Variants in LRRTM4 observed in about 807,000 individuals in gnomAD.
The protein encoded by LRRTM4 is leucine-rich repeat transmembrane neuronal protein 4.
LRRTM4 carries 25 observed loss-of-function variants against 47.6 expected under a neutral mutation model. That is an observed-to-expected ratio of 0.53 (90% CI 0.38 to 0.73). The LOEUF (loss-of-function observed/expected upper bound fraction) is 0.73, where lower values mean the gene tolerates loss of function less well. Among genes scored for constraint, LRRTM4 ranks in the 30% least tolerant of loss-of-function variants. The pLI is 0.00. For synonymous variants in LRRTM4, 311 were observed against 269.5 expected (o/e 1.15, Z -1.51); for missense variants, 638 against 713.4 (o/e 0.89, Z 1.20).
At chr2:77,386,808 G>A (rs1673296968) in intron 3 of LRRTM4, among the ~76,000 whole-genome samples, 1 of 152,008 alleles carries the variant, frequency 6.6e-6, no homozygotes, top group East Asian at 1.9e-4. Context: ...GCAAGGGGAG[G>A]GAGAGCATTA....
chr2:77,355,350 C>T (rs1306375571), intron 3 of LRRTM4, among the ~76,000 whole-genome samples: 1 of 152,100 alleles, frequency 6.6e-6, no homozygotes, highest in Non-Finnish European at 1.5e-5. Context: ...GAGTAAATTT[C>T]CAGTAGTTTG....
intron 3 of LRRTM4, among the ~76,000 whole-genome samples, chr2:76,961,059 T>C (rs1289114235): frequency 6.6e-6 from 1 of 151,576 alleles, no homozygotes; most frequent in Non-Finnish European, 1.5e-5. Flanking sequence ...TCAGCACTTA[T>C]AATGTAAATA....
intron 3 of LRRTM4, among the ~76,000 whole-genome samples, chr2:76,774,022 A>G (rs1673838887): frequency 6.6e-6 from 1 of 152,180 alleles, no homozygotes; most frequent in African/African-American, 2.4e-5. Flanking sequence ...CACCACAGTC[A>G]AAATCCATAT....
At chr2:77,312,349 C>G (rs1677480760) in intron 3 of LRRTM4, among the ~76,000 whole-genome samples, 1 of 152,006 alleles carries the variant, frequency 6.6e-6, no homozygotes. Context: ...GCTATTGAAT[C>G]CTATTTAGTT....
At chr2:77,069,818 A>G (rs1394218482) in intron 3 of LRRTM4, among the ~76,000 whole-genome samples, 2 of 152,178 alleles carry the variant, frequency 1.3e-5, no homozygotes, top group Admixed American at 6.5e-5. Flanking sequence ...TATGGACATC[A>G]CATTCTTTAG....
chr2:76,804,734 G>T (rs1473278739), intron 3 of LRRTM4, among the ~76,000 whole-genome samples: 1 of 143,624 alleles, frequency 7.0e-6, no homozygotes, highest in African/African-American at 2.5e-5. Context: ...GATATATCAT[G>T]TTTTATATAT....
intron 3 of LRRTM4, among the ~76,000 whole-genome samples, chr2:77,111,854 G>T (rs180792723): frequency 6.6e-6 from 1 of 152,122 alleles, no homozygotes; most frequent in South Asian, 2.1e-4. Context: ...GTATGCTAAA[G>T]TTGCTAAAAT....
intron 3 of LRRTM4, among the ~76,000 whole-genome samples, chr2:76,768,239 A>C (rs1397701769): frequency 2.6e-5 from 4 of 152,190 alleles, no homozygotes; most frequent in Non-Finnish European, 5.9e-5. Context: ...ATAGAGGAAA[A>C]GTATATTGGT....
At chr2:77,220,494 G>T (rs572342678) in intron 3 of LRRTM4, among the ~76,000 whole-genome samples, 1 of 152,148 alleles carries the variant, frequency 6.6e-6, no homozygotes, top group African/African-American at 2.4e-5. Context: ...AATAACCAAT[G>T]CAGAGAAGTC....
chr2:76,878,347 A>G (rs775020100), intron 3 of LRRTM4, among the ~76,000 whole-genome samples: 26 of 152,120 alleles, frequency 1.7e-4, no homozygotes, highest in Non-Finnish European at 2.8e-4. Flanking sequence ...AATTAGACGA[A>G]TTAATAACCC....
rs554526352 is a variant in LRRTM4 at position 76,986,451 on chromosome 2, T to A, written c.1552-237535A>T. Reference sequence around the variant, plus strand: ...TCAGATTTTTCCATTTCTAAGTTACTTAGGTCTTTTCCTTTTTGGAGGTCT... The same window carrying A: ...TCAGATTTTTCCATTTCTAAGTTACATAGGTCTTTTCCTTTTTGGAGGTCT... On this transcript the variant is annotated intron_variant, in intron 3 of 3. Transcript: ENST00000409884. Among the ~76,000 whole-genome samples the A allele has an allele frequency of 5.9e-5, 9 of 152,058 alleles. No individual in the cohort carries two copies. The East Asian group carries it at 9.7e-4, about 16-fold the overall frequency.
chr2:77,407,594 T>G (rs1275484557), intron 3 of LRRTM4, among the ~76,000 whole-genome samples: 2 of 143,452 alleles, frequency 1.4e-5, no homozygotes, highest in East Asian at 3.9e-4. Context: ...ATGATATATT[T>G]GTATACATAA....
chr2:76,945,071 G>T (rs750083963), intron 3 of LRRTM4, among the ~76,000 whole-genome samples: 1 of 152,034 alleles, frequency 6.6e-6, no homozygotes, highest in Non-Finnish European at 1.5e-5. Context: ...TTTAGGACAG[G>T]TATGTGTTTT....
At chr2:77,068,543 C>T (rs186412527) in intron 3 of LRRTM4, among the ~76,000 whole-genome samples, 3 of 152,288 alleles carry the variant, frequency 2.0e-5, no homozygotes, top group Admixed American at 6.5e-5. Context: ...TTTCATATAA[C>T]TGAATTTATA....
chr2:77,025,490 G>C (rs1055880497), intron 3 of LRRTM4, among the ~76,000 whole-genome samples: 1 of 152,086 alleles, frequency 6.6e-6, no homozygotes, highest in African/African-American at 2.4e-5. Context: ...ACATTTCTTA[G>C]AAATGGCAAA....
chr2:76,771,257 G>C (rs554918353), intron 3 of LRRTM4, among the ~76,000 whole-genome samples: 1 of 152,312 alleles, frequency 6.6e-6, no homozygotes, highest in East Asian at 1.9e-4. Context: ...TGGAATCGCT[G>C]TATCAGCTCT....
intron 3 of LRRTM4, among the ~76,000 whole-genome samples, chr2:77,262,532 T>C (rs1675946031): frequency 6.6e-6 from 1 of 152,006 alleles, no homozygotes; most frequent in Non-Finnish European, 1.5e-5. Context: ...TAGGATCCCA[T>C]CTAGAATAAC....
intron 3 of LRRTM4, among the ~76,000 whole-genome samples, chr2:76,870,273 T>C (rs963475657): frequency 6.6e-6 from 1 of 152,108 alleles, no homozygotes; most frequent in Non-Finnish European, 1.5e-5. Flanking sequence ...AGTTGCTGAG[T>C]AGTCTGACAA....
At chr2:77,511,592 A>G (rs1678998709) in intron 3 of LRRTM4, among the ~76,000 whole-genome samples, 2 of 151,868 alleles carry the variant, frequency 1.3e-5, no homozygotes, top group African/African-American at 4.8e-5. Context: ...AAATTTGCTT[A>G]TTTATTTTAA....
Sources: gnomAD v4.1 joint callset for allele counts (sites outside exome capture counted in the v4.1 genomes callset) on GRCh38, gnomAD v4.1.1 for gene constraint, MANE v1.5 for transcripts, NCBI Gene and HGNC (gene_info 2026-07-23, HGNC 2026-07-21) for gene names.